The following ANO10 variants were observed in gnomAD, a reference collection of about 807,000 sequenced individuals.
ANO10 encodes anoctamin 10.
In ANO10, 77 loss-of-function variants were observed where a neutral mutation model predicts 74.7. The observed-to-expected ratio is 1.03, with a 90% CI of 0.86 to 1.25. The LOEUF is 1.25. ANO10 is among the 50% of genes most tolerant of loss of function. The pLI is 0.00. For missense variants in ANO10, 721 were observed against 778.1 expected (o/e 0.93, Z 0.87); for synonymous variants, 279 against 284.9 (o/e 0.98, Z 0.21).
intron 1 of ANO10, among the ~76,000 whole-genome samples, chr3:43,663,765 T>C (rs1254329183): frequency 6.6e-6 from 1 of 152,092 alleles, no homozygotes; most frequent in Non-Finnish European, 1.5e-5. Context: ...AAATCATGAG[T>C]GAACTCCCAT....
At chr3:43,410,678 T>A (rs1192174985) in intron 12 of ANO10, among the ~76,000 whole-genome samples, 1 of 152,134 alleles carries the variant, frequency 6.6e-6, no homozygotes, top group Admixed American at 6.5e-5. Flanking sequence ...CACACGGATA[T>A]ACCTTTTCAA....
chr3:43,372,413 C>T (rs904650619), intron 12 of ANO10, among the ~76,000 whole-genome samples: 9 of 152,176 alleles, frequency 5.9e-5, no homozygotes, highest in Non-Finnish European at 8.8e-5. Flanking sequence ...TATGCCACTC[C>T]AAGGTCCCTA....
chr3:43,572,282 T>C (rs972365028), intron 7 of ANO10, among the ~76,000 whole-genome samples: 6 of 152,168 alleles, frequency 3.9e-5, no homozygotes, highest in Non-Finnish European at 7.4e-5. Flanking sequence ...TCTTCTTCCT[T>C]GCTGGGCCTG....
At chr3:43,372,118 CA>C (rs749601859) in intron 12 of ANO10, among the ~76,000 whole-genome samples, 1 of 152,178 alleles carries the variant, frequency 6.6e-6, no homozygotes, top group Non-Finnish European at 1.5e-5. Context: ...CAGGCAACCA[CA>C]AGTGCCAGTG....
chr3:43,448,193 C>A (rs2093276964), intron 11 of ANO10, among the ~76,000 whole-genome samples: 1 of 152,170 alleles, frequency 6.6e-6, no homozygotes, highest in Non-Finnish European at 1.5e-5. Flanking sequence ...AAAATAAATG[C>A]CATTTAGGCC....
intron 12 of ANO10, among the ~76,000 whole-genome samples, chr3:43,411,425 T>G (rs941241542): frequency 6.6e-6 from 1 of 152,188 alleles, no homozygotes; most frequent in African/African-American, 2.4e-5. Flanking sequence ...TTGAGAGACA[T>G]AACGTAAATG....
At chr3:43,642,404 T>C (rs2083679377) in intron 1 of ANO10, among the ~76,000 whole-genome samples, 1 of 152,200 alleles carries the variant, frequency 6.6e-6, no homozygotes, top group South Asian at 2.1e-4. Context: ...GATTTCCTTC[T>C]ATTCATTTAT....
chr3:43,429,915 T>C (rs2092955940), intron 12 of ANO10, among the ~76,000 whole-genome samples: 1 of 152,200 alleles, frequency 6.6e-6, no homozygotes, highest in African/African-American at 2.4e-5. Context: ...AAGGTTTGTT[T>C]GGTGTTGGAG....
At chr3:43,649,161 T>A (rs1489906384) in intron 1 of ANO10, among the ~76,000 whole-genome samples, 1 of 152,206 alleles carries the variant, frequency 6.6e-6, no homozygotes, top group Admixed American at 6.5e-5. Context: ...TTCAAACACC[T>A]GTGACAGCCC....
At chr3:43,454,545 T>C (rs2075040815) in intron 11 of ANO10, among the ~76,000 whole-genome samples, 1 of 148,856 alleles carries the variant, frequency 6.7e-6, no homozygotes, top group African/African-American at 2.5e-5. Flanking sequence ...AAGAGAGAAA[T>C]GGAGGGGAGG....
intron 11 of ANO10, chr3:43,485,523 G>A: frequency 3.9e-6 from 1 of 253,754 alleles, no homozygotes; most frequent in Non-Finnish European, 7.6e-6. Flanking sequence ...TGCATTCCTT[G>A]GAATCCGTGA....
chr3:43,418,974 T>C (rs1277655859), intron 12 of ANO10, among the ~76,000 whole-genome samples: 1 of 152,270 alleles, frequency 6.6e-6, no homozygotes, highest in African/African-American at 2.4e-5. Flanking sequence ...TGATAGAGAC[T>C]GGATGGCCCA....
At chr3:43,664,271 G>C (rs2083961195) in intron 1 of ANO10, among the ~76,000 whole-genome samples, 1 of 152,110 alleles carries the variant, frequency 6.6e-6, no homozygotes, top group South Asian at 2.1e-4. Context: ...ACACACACAA[G>C]CAATGGGGAA....
intron 4 of ANO10, among the ~76,000 whole-genome samples, chr3:43,597,257 A>G (rs746060194): frequency 1.3e-5 from 2 of 152,240 alleles, no homozygotes; most frequent in Non-Finnish European, 2.9e-5. Context: ...CCATCCCATT[A>G]CTAGGTATAT....
chr3:43,502,219 T>G (rs1006032190), intron 11 of ANO10, among the ~76,000 whole-genome samples: 3 of 152,244 alleles, frequency 2.0e-5, no homozygotes, highest in Non-Finnish European at 2.9e-5. Context: ...CCTATGTTTA[T>G]AAAACATTAT....
At chr3:43,606,235 G>C (rs183491357) in intron 1 of ANO10, among the ~76,000 whole-genome samples, 2 of 152,342 alleles carry the variant, frequency 1.3e-5, no homozygotes, top group Admixed American at 1.3e-4. Flanking sequence ...TACACAATGA[G>C]AGGTATCCTA....
intron 1 of ANO10, chr3:43,691,012 A>T: frequency 6.4e-7 from 1 of 1,563,600 alleles, no homozygotes; most frequent in Non-Finnish European, 8.6e-7. Context: ...GAGGAGGAGG[A>T]GGTGGACTCT....
chr3:43,543,230 G>T (rs2079033247), intron 11 of ANO10, among the ~76,000 whole-genome samples: 1 of 152,044 alleles, frequency 6.6e-6, no homozygotes, highest in African/African-American at 2.4e-5. Flanking sequence ...TCCTGATAAA[G>T]AATATATAGG....
intron 6 of ANO10, among the ~76,000 whole-genome samples, chr3:43,576,013 G>A (rs1465647551): frequency 6.6e-6 from 1 of 152,080 alleles, no homozygotes; most frequent in East Asian, 1.9e-4. Flanking sequence ...TTTGTTCATT[G>A]GTTTGAATGA....
Sources: allele counts gnomAD v4.1 joint callset (sites outside exome capture counted in the v4.1 genomes callset), GRCh38; gene constraint gnomAD v4.1.1; transcripts MANE v1.5; gene names NCBI Gene and HGNC (gene_info 2026-07-23, HGNC 2026-07-21).